Variants in STRN3 observed in about 807,000 individuals in gnomAD.
The protein encoded by STRN3 is striatin-3.
STRN3 carries 29 observed loss-of-function variants against 95.6 expected under a neutral mutation model. That is an observed-to-expected ratio of 0.30 (90% CI 0.23 to 0.41). The LOEUF is 0.41. Ranked by LOEUF, STRN3 falls within the 10% of genes least tolerant of loss-of-function variation. The pLI, the probability that STRN3 is intolerant of heterozygous loss-of-function variation, is 1.00. For synonymous variants in STRN3, 331 were observed against 357.6 expected, an observed-to-expected ratio of 0.93 and a Z score of 0.84; for missense variants, 890 against 972.1, an observed-to-expected ratio of 0.92 and a Z score of 1.12.
In STRN3 at chr14:30,894,176, T is replaced by G. The variant is rs1263332615; in HGVS notation, c.*1235A>C. ...GGATAACTAGTCAAAACACAGCAGA[T>G]TTCTGTATCCTGATTCAACTATTTT... is the stretch of plus-strand genomic sequence containing the variant. On this transcript the variant is annotated 3_prime_UTR_variant, in exon 18 of 18. Coordinates refer to ENST00000357479, the MANE Select transcript of STRN3 (RefSeq NM_001083893.2). 1 of 152,446 alleles carries G rather than the reference T, an allele frequency of 6.6e-6. No homozygotes were observed. The highest frequency in any genetic ancestry group is 1.5e-5 in the Non-Finnish European group (1 of 68,018). The allele number at this position is 152,446 out of a possible 1,614,324, so 9.4% of individuals were successfully genotyped here. A position where few individuals can be genotyped will look rare whatever the true frequency, so the allele number is the denominator to read the frequency against.
rs138962468 is a variant in STRN3, at chr14:30,961,383, G to A, written c.283-5141C>T. On this transcript the variant is annotated intron_variant, in intron 1 of 17. Coordinates refer to ENST00000357479, the MANE Select transcript of STRN3 (RefSeq NM_001083893.2). Reference sequence around the variant, plus strand: ...CCACATGACATTTCAGTCAATGACAGACTGCATATACAACAGGGGTCCCAT... The same window carrying A: ...CCACATGACATTTCAGTCAATGACAAACTGCATATACAACAGGGGTCCCAT... 9.8e-5 allele frequency among the ~76,000 whole-genome samples: 15 copies of A among 152,308 alleles called. No homozygotes were observed. In the East Asian group the frequency reaches 2.9e-3, roughly 29 times the overall value.
chr14:30,925,464 C>A (rs1897004835), intron 8 of STRN3, among the ~76,000 whole-genome samples: 1 of 151,962 alleles, frequency 6.6e-6, no homozygotes, highest in Non-Finnish European at 1.5e-5. Context: ...AAATAGTTTT[C>A]TTCCCTCTAA....
chr14:30,952,099 C>G (rs771385353), intron 3 of STRN3, among the ~76,000 whole-genome samples: 28 of 146,950 alleles, frequency 1.9e-4, no homozygotes, highest in Non-Finnish European at 3.3e-4. Context: ...GCCTGGGCGA[C>G]AGAGCGAGAC....
At chr14:30,979,166 C>T (rs1048503863) in intron 1 of STRN3, among the ~76,000 whole-genome samples, 9 of 151,626 alleles carry the variant, frequency 5.9e-5, no homozygotes, top group Non-Finnish European at 1.0e-4. Context: ...AAACATAGTA[C>T]CATTTACCTT....
chr14:30,951,686 C>T (rs1168623791), intron 3 of STRN3, among the ~76,000 whole-genome samples: 1 of 152,084 alleles, frequency 6.6e-6, no homozygotes, highest in East Asian at 1.9e-4. Context: ...ATCAGTGGAC[C>T]TTAAGTCTAC....
chr14:30,979,758 C>T (rs1396257501), intron 1 of STRN3, among the ~76,000 whole-genome samples: 1 of 151,958 alleles, frequency 6.6e-6, no homozygotes, highest in Non-Finnish European at 1.5e-5. Context: ...CACCACCACA[C>T]CCGGCTAATT....
chr14:30,933,661 T>C (rs991691583), intron 7 of STRN3, among the ~76,000 whole-genome samples: 1 of 152,162 alleles, frequency 6.6e-6, no homozygotes, highest in East Asian at 1.9e-4. Context: ...CATTTTCAAA[T>C]AGTAAGTACA....
chr14:31,026,088 C>G lies in STRN3; in HGVS notation c.98G>C (p.Gly33Ala), dbSNP rs1378637885. The G allele has an allele frequency of 1.3e-6, 2 of 1,529,206 alleles. No individual in the cohort carries two copies. Among genetic ancestry groups the G allele is most frequent in the Admixed American group, 2.0e-5 (1 of 49,668 alleles). 94.7% of individuals were successfully genotyped at this position (1,529,206 alleles called of 1,614,324 possible). A position where few individuals can be genotyped will look rare whatever the true frequency, so the allele number is the denominator to read the frequency against. ...GPGGNLGLSP[G>A]GNGAAGGGGP... ...CCCGCCGCCCGCCGCTCCGTTCCCC[C>G]CGGGCGAAAGGCCCAGGTTCCCCCC... Residue 33 changes from glycine (G) to alanine (A), a missense_variant, in exon 1 of 18, where the codon GGG becomes GCG. Physicochemically the swap from Gly to Ala is moderately conservative, Grantham distance 60. Around this residue, in one of 3 missense-constraint regions of STRN3, gnomAD observed 526 missense variants for 526.3 expected, o/e 1.00. Transcript: ENST00000357479.
chr14:30,903,269 T>C (rs1239535735), intron 15 of STRN3, among the ~76,000 whole-genome samples: 2 of 151,692 alleles, frequency 1.3e-5, no homozygotes, highest in Non-Finnish European at 2.9e-5. Flanking sequence ...AAAAAATACA[T>C]ATATATATAT....
At chr14:30,931,315 A>C (rs1219309309) in intron 7 of STRN3, among the ~76,000 whole-genome samples, 1 of 152,170 alleles carries the variant, frequency 6.6e-6, no homozygotes, top group Admixed American at 6.5e-5. Context: ...TCTACATATT[A>C]ATCCTTTTTT....
intron 8 of STRN3, among the ~76,000 whole-genome samples, chr14:30,923,318 T>C (rs1896930626): frequency 1.3e-5 from 2 of 152,144 alleles, no homozygotes; most frequent in Admixed American, 1.3e-4. Context: ...AATACAAAAC[T>C]TTAAAAATAA....
At chr14:30,935,066 C>T (rs1878749779) in intron 7 of STRN3, 97 bp downstream of exon 7, 2 of 1,446,812 alleles carry the variant, frequency 1.4e-6, no homozygotes, top group Admixed American at 4.6e-5. Context: ...TTAACTGCCA[C>T]CATATATTTA....
intron 1 of STRN3, among the ~76,000 whole-genome samples, chr14:31,008,911 C>A (rs1882838608): frequency 6.6e-6 from 1 of 151,866 alleles, no homozygotes; most frequent in African/African-American, 2.4e-5. Context: ...TAGTGACACA[C>A]ACCTATAGTC....
In STRN3 at chr14:30,989,493, C is replaced by T. The variant is rs145575585; in HGVS notation, c.283-33251G>A. Among the ~76,000 whole-genome samples the T allele has an allele frequency of 1.8e-3, 277 of 152,278 alleles. 5 individuals are homozygous for T. In the East Asian group the frequency reaches 0.032, roughly 18 times the overall value. ...TTATTTATTTTGAGATGGAGTCTGG[C>T]TCTGTCGCCCAGGCTGGAGTGCAGT... is the stretch of plus-strand genomic sequence containing the variant. On this transcript the variant is annotated intron_variant, in intron 1 of 17. Transcript: ENST00000357479.
chr14:30,983,612 A>G (rs1009324504), intron 1 of STRN3, among the ~76,000 whole-genome samples: 5 of 152,250 alleles, frequency 3.3e-5, no homozygotes, highest in African/African-American at 1.2e-4. Context: ...ACTTTGATCA[A>G]ATAAATGTGA....
chr14:30,936,257 C>T (rs541748111), intron 6 of STRN3, among the ~76,000 whole-genome samples: 1 of 152,262 alleles, frequency 6.6e-6, no homozygotes, highest in East Asian at 1.9e-4. Flanking sequence ...AAAAAGGTTT[C>T]AAAATCAATG....
At chr14:30,986,183 T>C (rs1410558020) in intron 1 of STRN3, among the ~76,000 whole-genome samples, 1 of 152,212 alleles carries the variant, frequency 6.6e-6, no homozygotes, top group Non-Finnish European at 1.5e-5. Flanking sequence ...CTTCACTGCA[T>C]GGATGCGTGT....
intron 1 of STRN3, among the ~76,000 whole-genome samples, chr14:30,966,075 C>G (rs1880485749): frequency 6.6e-6 from 1 of 152,168 alleles, no homozygotes; most frequent in Non-Finnish European, 1.5e-5. Context: ...CTGCTCTGCC[C>G]TGACCCCCGC....
chr14:31,024,759 C>G (rs1387031586), intron 1 of STRN3, among the ~76,000 whole-genome samples: 3 of 152,152 alleles, frequency 2.0e-5, no homozygotes. Flanking sequence ...TATATGACAG[C>G]AAATACTGCT....
Sources: gnomAD v4.1 joint callset for allele counts (sites outside exome capture counted in the v4.1 genomes callset) on GRCh38, gnomAD v4.1.1 for gene constraint, gnomAD v4.1.1 regional missense constraint, MANE v1.5 for transcripts, NCBI Gene and HGNC (gene_info 2026-07-23, HGNC 2026-07-21) for gene names.